The following RANBP2 variants were observed in gnomAD, a reference collection of about 807,000 sequenced individuals.
RANBP2 encodes RAN binding protein 2, also known as E3 SUMO-protein ligase RanBP2.
A neutral mutation model predicts 303.6 loss-of-function variants in RANBP2; 57 were observed. That is an observed-to-expected ratio of 0.19 (90% CI 0.15 to 0.23). The LOEUF is 0.23. Among genes scored for constraint, RANBP2 ranks in the 10% least tolerant of loss-of-function variants. The pLI is 1.00. For synonymous variants in RANBP2, 1,167 were observed against 1,301.5 expected (o/e 0.90, Z 2.23); for missense variants, 3,138 against 3,780.8 (o/e 0.83, Z 4.46).
chr2:108,930,254 G>A, the RANBP2 span: 4 of 1,613,962 alleles, frequency 2.5e-6, no homozygotes, highest in Non-Finnish European at 3.4e-6. Context: ...TGCCAACAAA[G>A]GGGGGTGTTG....
chr2:109,543,917 C>T, the RANBP2 span: 1 of 472,492 alleles, frequency 2.1e-6, no homozygotes, highest in Admixed American at 3.9e-5. Context: ...TCATGTTTCA[C>T]ATCCACCTTA....
the RANBP2 span, among the ~76,000 whole-genome samples, chr2:109,417,241 C>T: frequency 2.0e-5 from 3 of 152,162 alleles, no homozygotes; most frequent in Non-Finnish European, 2.9e-5. Flanking sequence ...CTTCTCCCTC[C>T]CTTGGGGTGT....
At chr2:109,231,155 C>T in the RANBP2 span, among the ~76,000 whole-genome samples, 1 of 152,230 alleles carries the variant, frequency 6.6e-6, no homozygotes, top group African/African-American at 2.4e-5. Context: ...CTCCTCTCCT[C>T]CCGGAGCCAG....
chr2:109,681,375 G>A, the RANBP2 span, among the ~76,000 whole-genome samples: 1 of 152,120 alleles, frequency 6.6e-6, no homozygotes, highest in East Asian at 1.9e-4. Flanking sequence ...ATTTGTACAC[G>A]TATTCAAGCA....
At chr2:109,671,704 T>TCA in the RANBP2 span, among the ~76,000 whole-genome samples, 7 of 152,192 alleles carry the variant, frequency 4.6e-5, no homozygotes, top group Non-Finnish European at 1.0e-4. Context: ...TTTTCAAATT[T>TCA]CATGAATCAG....
At chr2:109,625,780 A>T in the RANBP2 span, among the ~76,000 whole-genome samples, 1 of 152,242 alleles carries the variant, frequency 6.6e-6, no homozygotes, top group African/African-American at 2.4e-5. Flanking sequence ...ACTGAAATGT[A>T]GAGTAGGATA....
the RANBP2 span, among the ~76,000 whole-genome samples, chr2:109,580,012 T>G: frequency 6.6e-6 from 1 of 151,662 alleles, no homozygotes; most frequent in Admixed American, 6.6e-5. Context: ...TCCCAGCTAC[T>G]CGGGAGGCTG....
chr2:109,161,082 A>C, the RANBP2 span, among the ~76,000 whole-genome samples: 1 of 152,280 alleles, frequency 6.6e-6, no homozygotes, highest in African/African-American at 2.4e-5. Context: ...TCACAAGGCA[A>C]TCGACTGTTC....
chr2:109,112,949 T>A, the RANBP2 span, among the ~76,000 whole-genome samples: 1 of 152,200 alleles, frequency 6.6e-6, no homozygotes, highest in African/African-American at 2.4e-5. Flanking sequence ...GTTGTAGATA[T>A]GCAGCGTTAT....
chr2:108,903,339 C>T, the RANBP2 span, among the ~76,000 whole-genome samples: 1 of 151,970 alleles, frequency 6.6e-6, no homozygotes, highest in Non-Finnish European at 1.5e-5. Context: ...AGTTTTGTTG[C>T]AACTCATTAA....
the RANBP2 span, among the ~76,000 whole-genome samples, chr2:109,082,128 A>T: frequency 1.3e-5 from 2 of 152,174 alleles, no homozygotes; most frequent in African/African-American, 4.8e-5. Context: ...CATATGGGCT[A>T]ACCAGATGTG....
the RANBP2 span, among the ~76,000 whole-genome samples, chr2:108,951,406 G>A: frequency 6.6e-5 from 10 of 152,180 alleles, no homozygotes; most frequent in Admixed American, 5.2e-4. Context: ...ACAGGAATTC[G>A]ACCAGAAAGG....
intron 1 of RANBP2, chr2:108,719,951 C>G (rs1419119268): frequency 2.0e-6 from 2 of 985,050 alleles, no homozygotes; most frequent in African/African-American, 3.5e-5. Context: ...CTCCTGGGGC[C>G]GCCCTGGCCC....
the RANBP2 span, among the ~76,000 whole-genome samples, chr2:109,726,955 C>T: frequency 6.6e-6 from 1 of 152,266 alleles, no homozygotes; most frequent in Admixed American, 6.5e-5. Context: ...TCCTGCCAAC[C>T]TCAGAGCTGC....
the RANBP2 span, among the ~76,000 whole-genome samples, chr2:109,658,794 C>A: frequency 6.6e-6 from 1 of 151,950 alleles, no homozygotes; most frequent in Non-Finnish European, 1.5e-5. Context: ...TGGCCAGGCA[C>A]GGTGGCTCAC....
chr2:109,003,816 G>A, the RANBP2 span, among the ~76,000 whole-genome samples: 1 of 152,194 alleles, frequency 6.6e-6, no homozygotes, highest in Admixed American at 6.5e-5. Context: ...GCTAGCAAGG[G>A]ACATCGGCAG....
the RANBP2 span, among the ~76,000 whole-genome samples, chr2:109,256,934 G>A: frequency 6.6e-6 from 1 of 152,294 alleles, no homozygotes; most frequent in Non-Finnish European, 1.5e-5. Flanking sequence ...GGTGGATGGA[G>A]ATGTGTGGAG....
chr2:109,457,697 C>T, the RANBP2 span, among the ~76,000 whole-genome samples: 14 of 152,256 alleles, frequency 9.2e-5, no homozygotes, highest in Admixed American at 1.3e-4. Context: ...ACTGCTGTGA[C>T]TGCCTTCTTT....
chr2:109,162,564 T>C, the RANBP2 span, among the ~76,000 whole-genome samples: 2 of 152,226 alleles, frequency 1.3e-5, no homozygotes, highest in African/African-American at 4.8e-5. Context: ...ACTCATCATT[T>C]TTTATGGCTG....
Sources: gnomAD v4.1 joint callset for allele counts (sites outside exome capture counted in the v4.1 genomes callset) on GRCh38, gnomAD v4.1.1 for gene constraint, MANE v1.5 for transcripts, NCBI Gene and HGNC (gene_info 2026-07-23, HGNC 2026-07-21) for gene names.